The following MARK3 variants were observed in gnomAD, a reference collection of about 807,000 sequenced individuals.
MARK3 encodes microtubule affinity regulating kinase 3, also known as MAP/microtubule affinity-regulating kinase 3.
Under a neutral mutation model 90.1 loss-of-function variants are expected in MARK3, and 46 were observed. That is an observed-to-expected ratio of 0.51 (90% CI 0.40 to 0.65). The LOEUF (loss-of-function observed/expected upper bound fraction) is 0.65, where lower values mean the gene tolerates loss of function less well. MARK3 is among the 30% of genes least tolerant of loss of function. The pLI, the probability that MARK3 is intolerant of heterozygous loss-of-function variation, is 0.00. For synonymous variants in MARK3, 321 were observed against 332.6 expected (o/e 0.97, Z 0.38); for missense variants, 818 against 947.2 (o/e 0.86, Z 1.79).
chr14:103,475,063 C>T lies in MARK3; in HGVS notation c.1335C>T (p.Leu445=). 1.9e-6 allele frequency: 3 copies of T among 1,614,168 alleles called. No homozygotes were observed. The highest frequency in any genetic ancestry group is 2.5e-6 in the Non-Finnish European group (3 of 1,180,012). ...RSQTSTADSD[L]KEDGISSRKS... ...AGACCAGCACTGCAGATAGTGACCTCAAAGAAGATGGAATTTCCTCCCGGA... is the reference window on the plus strand; with the variant it reads ...AGACCAGCACTGCAGATAGTGACCTTAAAGAAGATGGAATTTCCTCCCGGA... Residue 445 remains leucine (L), a synonymous_variant, in exon 13 of 18, where the codon CTC becomes CTT. Transcript: ENST00000429436.
Position 103,431,981 on chromosome 14 carries a change from C to G in MARK3, c.297+3541C>G, listed in dbSNP as rs561374805. Among the ~76,000 whole-genome samples, 15 of 151,988 alleles carry G rather than the reference C, an allele frequency of 9.9e-5. 1 individual carries two copies. The South Asian group carries it at 3.1e-3, about 32-fold the overall frequency. On this transcript the variant is annotated intron_variant, in intron 3 of 17. Transcript: ENST00000429436. ...ATTCCATACTTGGAATTGTTTCCCC[C>G]CTCCCACCTGAATTTGTTTGATTCC...
rs775824148 is a variant in MARK3 at position 103,500,204 on chromosome 14, A to T, written c.1916+4A>T. The stretch of plus-strand genomic sequence containing the variant: ...ACGGGAGATATGAGGGCTCAAGGTG[A>T]GGGAAATGATTTTTACTTAAAATTT... On this transcript the variant is annotated splice_donor_region_variant and intron_variant, in intron 17 of 17. Transcript: ENST00000429436. 7 of 1,592,288 alleles carry T rather than the reference A, an allele frequency of 4.4e-6. No individual in the cohort carries two copies. The South Asian group carries it at 6.9e-5, about 16-fold the overall frequency.
Position 103,405,242 on chromosome 14 carries a change from C to A in MARK3, c.218C>A (p.Ala73Glu). 6.4e-7 allele frequency: 1 copy of A among 1,561,074 alleles called. No individual in the cohort carries two copies. Among genetic ancestry groups the A allele is most frequent in the Admixed American group, 2.0e-5 (1 of 50,900 alleles). Residue 73 changes from alanine to glutamate, a missense_variant, in exon 2 of 18, where the codon GCA (alanine) becomes GAA (glutamate). Physicochemically the swap from Ala to Glu is moderately radical, Grantham distance 107 (BLOSUM62 -1). Transcript: ENST00000429436. Reference protein sequence around the residue: ...GKGNFAKVKLARHILTGREVA... With the variant: ...GKGNFAKVKLERHILTGREVA... ...GGGAATTTTGCAAAAGTAAAATTGG[C>A]AAGACATATCCTTACAGGCAGAGAG...
intron 12 of MARK3, among the ~76,000 whole-genome samples, chr14:103,470,481 G>GTTTTTTTTTTTTTTTTTTTTTTTTT (rs1595836798): frequency 1.5e-4 from 1 of 6,888 alleles, no homozygotes; most frequent in Non-Finnish European, 3.7e-4. Flanking sequence ...TTGAGATGGA[G>GTTTTTTTTTTTTTTTTTTTTTTTTT]TTTCACTCTT....
At chr14:103,461,097 C>G (rs557114354) in intron 6 of MARK3, among the ~76,000 whole-genome samples, 1 of 152,094 alleles carries the variant, frequency 6.6e-6, no homozygotes, top group East Asian at 1.9e-4. Context: ...ATTTTATGTC[C>G]ACGGGTGGGT....
At chr14:103,431,082 G>A (rs1566830157) in intron 3 of MARK3, among the ~76,000 whole-genome samples, 9 of 151,650 alleles carry the variant, frequency 5.9e-5, no homozygotes, top group Non-Finnish European at 1.0e-4. Flanking sequence ...TTGTTTGTTC[G>A]TTTGTTTTTG....
chr14:103,480,191 T>G (rs1211641787), intron 13 of MARK3, among the ~76,000 whole-genome samples, 196 bp from the exon 14 acceptor site: 1 of 151,874 alleles, frequency 6.6e-6, no homozygotes, highest in Non-Finnish European at 1.5e-5. Context: ...GAGGCTGTGG[T>G]GGGAGGATTG....
intron 2 of MARK3, among the ~76,000 whole-genome samples, chr14:103,411,041 G>T (rs1339099182): frequency 6.6e-6 from 1 of 152,172 alleles, no homozygotes; most frequent in Admixed American, 6.5e-5. Context: ...TTGGGAGGCC[G>T]AGGTGGGTGG....
chr14:103,502,761 G>A (rs1357633153), intron 17 of MARK3, 121 bp from the exon 18 acceptor site: 6 of 734,304 alleles, frequency 8.2e-6, no homozygotes, highest in African/African-American at 3.5e-5. Context: ...GTCTGTGCAG[G>A]AAAATGTGGA....
At chr14:103,408,716 G>A (rs74084508) in intron 2 of MARK3, among the ~76,000 whole-genome samples, 1,605 of 152,198 alleles carry the variant, frequency 0.011, 23 homozygotes, top group African/African-American at 0.037. Flanking sequence ...CTGTGTGTGC[G>A]GAGACTTGGA....
intron 2 of MARK3, chr14:103,412,348 A>G: frequency 1.6e-6 from 1 of 630,020 alleles, no homozygotes. Flanking sequence ...CCGTGTTTTC[A>G]TCGTGTGTGA....
intron 5 of MARK3, among the ~76,000 whole-genome samples, chr14:103,454,744 T>C: frequency 6.6e-6 from 1 of 152,156 alleles, no homozygotes; most frequent in East Asian, 1.9e-4. Flanking sequence ...ATCTTAGAAA[T>C]TTTAGGGCAG....
intron 2 of MARK3, among the ~76,000 whole-genome samples, chr14:103,411,949 A>G (rs1304010280): frequency 1.7e-5 from 1 of 59,306 alleles, no homozygotes; most frequent in Non-Finnish European, 3.6e-5. Flanking sequence ...AAATTTTCAT[A>G]GCTTTTTTTT....
chr14:103,487,830 C>T (rs1427043431), intron 14 of MARK3, among the ~76,000 whole-genome samples: 9 of 151,964 alleles, frequency 5.9e-5, no homozygotes, highest in African/African-American at 1.9e-4. Context: ...GGGTGGATCA[C>T]GAGGTCAGGA....
intron 1 of MARK3, among the ~76,000 whole-genome samples, chr14:103,388,139 C>A (rs1392319286): frequency 6.6e-6 from 1 of 152,202 alleles, no homozygotes; most frequent in African/African-American, 2.4e-5. Context: ...CCATGTTGGT[C>A]GTGCTGGTCT....
intron 2 of MARK3, among the ~76,000 whole-genome samples, chr14:103,410,395 A>C (rs567709289): frequency 1.3e-5 from 2 of 152,234 alleles, no homozygotes; most frequent in Admixed American, 1.3e-4. Context: ...ACGTTTCACC[A>C]TGAGTTTGGG....
intron 6 of MARK3, among the ~76,000 whole-genome samples, chr14:103,461,996 A>T (rs1381262664): frequency 6.7e-6 from 1 of 149,126 alleles, no homozygotes; most frequent in Non-Finnish European, 1.5e-5. Context: ...AGATCATGCC[A>T]TTGCACTCTA....
intron 2 of MARK3, among the ~76,000 whole-genome samples, chr14:103,427,595 A>G (rs1595621889): frequency 6.6e-6 from 1 of 151,590 alleles, no homozygotes; most frequent in African/African-American, 2.4e-5. Context: ...TTTCTTGATT[A>G]TATGCTAAAC....
chr14:103,461,099 C>T (rs978813426), intron 6 of MARK3, among the ~76,000 whole-genome samples: 12 of 152,122 alleles, frequency 7.9e-5, no homozygotes, highest in African/African-American at 1.7e-4. Flanking sequence ...TTTATGTCCA[C>T]GGGTGGGTCC....
Sources: allele counts gnomAD v4.1 joint callset (sites outside exome capture counted in the v4.1 genomes callset), GRCh38; gene constraint gnomAD v4.1.1; transcripts MANE v1.5; gene names NCBI Gene and HGNC (gene_info 2026-07-23, HGNC 2026-07-21).